Variants in NOVA1 observed in about 807,000 individuals in gnomAD.
NOVA1 encodes the protein NOVA alternative splicing regulator 1.
Under a neutral mutation model 38.0 loss-of-function variants are expected in NOVA1, and 7 were observed. That is an observed-to-expected ratio of 0.18 (90% confidence interval 0.10 to 0.35). The LOEUF (loss-of-function observed/expected upper bound fraction) is 0.35. Ranked by LOEUF, NOVA1 falls within the 10% of genes least tolerant of loss-of-function variation. NOVA1 has a pLI of 1.00. For missense variants in NOVA1, 460 were observed against 616.0 expected (o/e 0.75, Z 2.68); for synonymous variants, 270 against 232.5 (o/e 1.16, Z -1.47).
At chr14:26,510,951 T>C (rs2138451807) in intron 2 of NOVA1, among the ~76,000 whole-genome samples, 1 of 152,304 alleles carries the variant, frequency 6.6e-6, no homozygotes, top group East Asian at 1.9e-4. Flanking sequence ...TACTGTTGGT[T>C]TAACAATTCA....
chr14:26,503,433 A>T (rs1887388716), intron 2 of NOVA1, among the ~76,000 whole-genome samples: 1 of 152,094 alleles, frequency 6.6e-6, no homozygotes, highest in Admixed American at 6.6e-5. Flanking sequence ...CAATTGTATT[A>T]AAAAATCAAA....
intron 4 of NOVA1, among the ~76,000 whole-genome samples, chr14:26,465,467 G>A (rs1442986445): frequency 2.0e-5 from 3 of 152,068 alleles, no homozygotes; most frequent in African/African-American, 4.8e-5. Context: ...CACTGCACCC[G>A]GCCCTAATTT....
chr14:26,527,121 C>A (rs1889360771), intron 2 of NOVA1, among the ~76,000 whole-genome samples: 1 of 152,200 alleles, frequency 6.6e-6, no homozygotes, highest in African/African-American at 2.4e-5. Context: ...AAAGAGAACT[C>A]TGCTCACTAG....
chr14:26,515,790 T>C (rs1794112846), intron 2 of NOVA1, among the ~76,000 whole-genome samples: 1 of 152,080 alleles, frequency 6.6e-6, no homozygotes. Context: ...ACGCTTGAAA[T>C]ATTTTAGAAT....
At chr14:26,449,007 GC>G in intron 4 of NOVA1, 44 bp from the exon 5 acceptor site, 1 of 1,502,954 alleles carries the variant, frequency 6.7e-7, no homozygotes, top group Non-Finnish European at 9.0e-7. Context: ...TCTGTTTTGT[GC>G]ATATACATTA....
chr14:26,549,733 A>G, intron 2 of NOVA1: 1 of 1,289,168 alleles, frequency 7.8e-7, no homozygotes, highest in Non-Finnish European at 1.0e-6. Context: ...CAGTGGAGAA[A>G]TACCTTCTGT....
intron 2 of NOVA1, among the ~76,000 whole-genome samples, chr14:26,552,337 A>G (rs1891213004): frequency 6.6e-6 from 1 of 152,108 alleles, no homozygotes; most frequent in South Asian, 2.1e-4. Flanking sequence ...GTTTTACCCC[A>G]ATAGTGGCAT....
chr14:26,524,965 C>T (rs3794483), intron 2 of NOVA1, among the ~76,000 whole-genome samples: 51,511 of 152,044 alleles, frequency 0.34, 10,420 homozygotes, highest in African/African-American at 0.57. Context: ...TTAACTGCAA[C>T]TAGTTCCATG....
At chr14:26,586,252 TA>T (rs1344252942) in intron 2 of NOVA1, among the ~76,000 whole-genome samples, 6 of 151,328 alleles carry the variant, frequency 4.0e-5, no homozygotes, top group Non-Finnish European at 5.9e-5. Context: ...ACATAGTCCT[TA>T]AGCCTATAAC....
chr14:26,588,157 G>A (rs1447847133), intron 2 of NOVA1, among the ~76,000 whole-genome samples: 1 of 149,570 alleles, frequency 6.7e-6, no homozygotes, highest in Non-Finnish European at 1.5e-5. Flanking sequence ...ACAGAACTTC[G>A]AAATGTATGC....
intron 4 of NOVA1, chr14:26,470,200 C>A (rs1884474016): frequency 2.6e-5 from 25 of 971,554 alleles, no homozygotes; most frequent in Non-Finnish European, 3.1e-5. Context: ...TTAAGATGAT[C>A]ATATTAAAAC....
intron 2 of NOVA1, chr14:26,549,882 G>T: frequency 5.0e-6 from 2 of 401,022 alleles, no homozygotes; most frequent in Admixed American, 2.7e-5. Context: ...ATACAGGGAT[G>T]AAAAGTACTA....
At position 26,573,042 on chromosome 14, in the gene NOVA1, G is replaced by A. The variant is rs138330294; in HGVS notation, c.280+22368C>T. ...AGTAATTAAAGCTAAAGGGATCTAC[G>A]GGGCCAAGGACAGAATCGAATGTAA... On this transcript the variant is annotated intron_variant, in intron 2 of 4. Coordinates refer to ENST00000539517, the MANE Select transcript of NOVA1 (RefSeq NM_002515.3). Among the ~76,000 whole-genome samples the A allele has an allele frequency of 8.7e-4, 132 of 152,078 alleles. 1 individual carries two copies. The highest frequency in any genetic ancestry group is 3.0e-3 in the African/African-American group (125 of 41,494).
At chr14:26,453,208 G>GTATGTATGTATGTATTTATT (rs796387130) in intron 4 of NOVA1, among the ~76,000 whole-genome samples, 7 of 125,402 alleles carry the variant, frequency 5.6e-5, no homozygotes, top group African/African-American at 1.2e-4. Flanking sequence ...ATGTATGTAT[G>GTATGTATGTATGTATTTATT]TATTTATTTA....
At chr14:26,569,407 C>A (rs1356463562) in intron 2 of NOVA1, among the ~76,000 whole-genome samples, 1 of 152,096 alleles carries the variant, frequency 6.6e-6, no homozygotes, top group Non-Finnish European at 1.5e-5. Flanking sequence ...ATAGGAGCAG[C>A]AAATTTGAAT....
intron 4 of NOVA1, among the ~76,000 whole-genome samples, chr14:26,456,647 CT>C (rs1883203412): frequency 6.6e-6 from 1 of 151,898 alleles, no homozygotes; most frequent in Non-Finnish European, 1.5e-5. Flanking sequence ...TATATATTGT[CT>C]TTTGCAAATC....
chr14:26,567,619 G>C lies in NOVA1; in HGVS notation c.280+27791C>G, dbSNP rs571322836. On this transcript the variant is annotated intron_variant, in intron 2 of 4. Coordinates refer to ENST00000539517, the MANE Select transcript of NOVA1 (RefSeq NM_002515.3). ...CTGTCTTACTTGATTTAAATAGTTT[G>C]ACAGTGGTTAGAGCATCCCAATCTG... Among the ~76,000 whole-genome samples, 11 of 152,122 alleles carry C rather than the reference G, an allele frequency of 7.2e-5. No homozygotes were observed. In the South Asian group the frequency reaches 2.3e-3, roughly 32 times the overall value.
intron 4 of NOVA1, among the ~76,000 whole-genome samples, chr14:26,467,874 G>A (rs571546047): frequency 3.5e-4 from 53 of 152,226 alleles, no homozygotes; most frequent in South Asian, 1.0e-3. Flanking sequence ...GTCATTAGCC[G>A]GGAGAGAATA....
rs541486680 is a variant in NOVA1, at chr14:26,552,440, A to G, written c.280+42970T>C. On this transcript the variant is annotated intron_variant, in intron 2 of 4. Transcript: ENST00000539517. ...CAACTGGGGTGATGATAATGGGAAT[A>G]TGCAGTTAGAAATAATAAAAGTGAT... 4.6e-5 allele frequency among the ~76,000 whole-genome samples: 7 copies of G among 152,320 alleles called. No homozygotes were observed. In the East Asian group the frequency reaches 1.3e-3, roughly 29 times the overall value.
Sources: allele counts gnomAD v4.1 joint callset (sites outside exome capture counted in the v4.1 genomes callset), GRCh38; gene constraint gnomAD v4.1.1; transcripts MANE v1.5; gene names NCBI Gene and HGNC (gene_info 2026-07-23, HGNC 2026-07-21).